The following MCF2L variants were observed in gnomAD, a reference collection of about 807,000 sequenced individuals.
The protein encoded by MCF2L is guanine nucleotide exchange factor DBS.
In MCF2L, 97 loss-of-function variants were observed where a neutral mutation model predicts 153.4. The ratio of observed to expected loss-of-function variants is 0.63; its 90% CI spans 0.54 to 0.75. The LOEUF (loss-of-function observed/expected upper bound fraction) is 0.75, where lower values mean the gene tolerates loss of function less well. MCF2L is among the 30% of genes least tolerant of loss of function. The pLI is 0.00. For synonymous variants in MCF2L, 659 were observed against 632.2 expected, an observed-to-expected ratio of 1.04 and a Z score of -0.64; for missense variants, 1,347 against 1,495.2, an observed-to-expected ratio of 0.90 and a Z score of 1.64.
intron 2 of MCF2L, among the ~76,000 whole-genome samples, chr13:112,953,935 G>T (rs1433607466): frequency 6.6e-6 from 1 of 152,232 alleles, no homozygotes; most frequent in African/African-American, 2.4e-5. Context: ...GGTCGCATAT[G>T]AGTGTCTAGG....
intron 1 of MCF2L, chr13:112,979,792 A>G: frequency 6.3e-7 from 1 of 1,588,580 alleles, no homozygotes; most frequent in Non-Finnish European, 8.6e-7. Flanking sequence ...GCATGGGGGC[A>G]GGTGCTGTGT....
chr13:113,003,856 C>A (rs1432248926), intron 1 of MCF2L, among the ~76,000 whole-genome samples: 1 of 152,188 alleles, frequency 6.6e-6, no homozygotes, highest in African/African-American at 2.4e-5. Context: ...GGTGACCTTT[C>A]TCAGAAGGTA....
intron 4 of MCF2L, among the ~76,000 whole-genome samples, chr13:113,058,670 G>A (rs2030748134): frequency 6.7e-6 from 1 of 150,240 alleles, no homozygotes; most frequent in African/African-American, 2.5e-5. Flanking sequence ...AGTGGGCGCT[G>A]TGTGTTTGGG....
At position 112,941,658 on chromosome 13, in the gene MCF2L, C is replaced by T. The variant is rs1307657800; in HGVS notation, c.169+39287C>T. Among the ~76,000 whole-genome samples the T allele has an allele frequency of 6.6e-6, 1 of 151,718 alleles. No homozygotes were observed. Among genetic ancestry groups the T allele is most frequent in the Non-Finnish European group, 1.5e-5 (1 of 67,988 alleles). On this transcript the variant is annotated intron_variant, in intron 2 of 29. Transcript: ENST00000375608. The surrounding 1 kb of genome is among the most constrained non-coding windows in gnomAD (Gnocchi z 4.9). The stretch of plus-strand genomic sequence containing the variant: ...TGTGGGCGGCAAGCCACCCAGGTGC[C>T]GAGGCAAGAGACCAAGGGCACGAGC...
chr13:112,981,475 T>C (rs1455031120), intron 1 of MCF2L, among the ~76,000 whole-genome samples: 1 of 152,186 alleles, frequency 6.6e-6, no homozygotes, highest in Non-Finnish European at 1.5e-5. Flanking sequence ...GTCCTGCCCT[T>C]GGCTGGAATG....
At chr13:112,978,190 T>G (rs2082278361) in intron 1 of MCF2L, among the ~76,000 whole-genome samples, 1 of 152,242 alleles carries the variant, frequency 6.6e-6, no homozygotes, top group Admixed American at 6.5e-5. Context: ...GTCCTGGGCT[T>G]GCACACAAGC....
intron 1 of MCF2L, among the ~76,000 whole-genome samples, chr13:112,900,392 C>T (rs1594294405): frequency 6.6e-6 from 1 of 152,344 alleles, no homozygotes; most frequent in African/African-American, 2.4e-5. Flanking sequence ...CGCAGGCAGC[C>T]TCGTGGCAGG....
intron 1 of MCF2L, among the ~76,000 whole-genome samples, chr13:112,981,273 C>T (rs2082415334): frequency 6.6e-6 from 1 of 152,198 alleles, no homozygotes; most frequent in Non-Finnish European, 1.5e-5. Context: ...CATGGGGTAC[C>T]ACCCTGTTCC....
intron 2 of MCF2L, among the ~76,000 whole-genome samples, chr13:112,964,108 CGGGGG>C: frequency 5.7e-4 from 1 of 1,764 alleles, no homozygotes; most frequent in Non-Finnish European, 2.3e-3. Context: ...TTGCAGGGGG[CGGGGG>C]GGCGGGGGGG....
Position 113,096,947 on chromosome 13 carries a change from C to A in MCF2L, c.*88C>A. 1.0e-6 allele frequency: 1 copy of A among 958,772 alleles called. No homozygotes were observed. The highest frequency in any genetic ancestry group is 1.4e-6 in the Non-Finnish European group (1 of 719,562). The allele number at this position is 958,772 out of a possible 1,614,324, so 59.4% of individuals were successfully genotyped here. On this transcript the variant is annotated 3_prime_UTR_variant, in exon 30 of 30. Coordinates refer to ENST00000535094, the MANE Select transcript of MCF2L (RefSeq NM_001112732.3). ...GCCCCCGGACGCCCCGAGGAAGGGG[C>A]ACCTCACCGCCCCCACCCAGAGCGC... is the stretch of plus-strand genomic sequence containing the variant.
chr13:112,917,150 C>T lies in MCF2L; in HGVS notation c.169+14779C>T, dbSNP rs137998923. Reference sequence around the variant, plus strand: ...TCTCAGTCCCCTGGCTTGTGACCCACCTGAGTGTGATGATTCCTAGTCCAC... The same window carrying T: ...TCTCAGTCCCCTGGCTTGTGACCCATCTGAGTGTGATGATTCCTAGTCCAC... On this transcript the variant is annotated intron_variant, in intron 2 of 29. Coordinates refer to the MCF2L transcript ENST00000375608. The T allele has an allele frequency of 5.6e-4, 264 of 471,296 alleles. 1 individual carries two copies. In the East Asian group the frequency reaches 0.013, roughly 23 times the overall value. The allele number at this position is 471,296 out of a possible 1,614,324, so 29.2% of individuals were successfully genotyped here.
chr13:113,065,162 G>A (rs1335668143), intron 7 of MCF2L, 77 bp downstream of exon 7: 1 of 1,556,956 alleles, frequency 6.4e-7, no homozygotes, highest in Non-Finnish European at 8.8e-7. Flanking sequence ...CCGGTCGGAA[G>A]CTGCGGGGGG....
rs939437277 is a variant in MCF2L, at chr13:113,072,740, T to G, written c.997-1704T>G. Reference sequence around the variant, plus strand: ...TTGTAATTTGCATCTTTTCCTTTTTTCTTTGTCAATCTAGATTGAGATGTA... The same window carrying G: ...TTGTAATTTGCATCTTTTCCTTTTTGCTTTGTCAATCTAGATTGAGATGTA... On this transcript the variant is annotated intron_variant, in intron 9 of 29. Transcript: ENST00000535094. 2.6e-5 allele frequency among the ~76,000 whole-genome samples: 4 copies of G among 152,322 alleles called. No individual in the cohort carries two copies. In the South Asian group the frequency reaches 8.3e-4, roughly 32 times the overall value.
chr13:112,943,467 G>A lies in MCF2L; in HGVS notation c.169+41096G>A, dbSNP rs1311962844. On this transcript the variant is annotated intron_variant, in intron 2 of 29. Transcript: ENST00000375608. This position sits in a 1 kb window ranked among gnomAD's most constrained non-coding sequence, Gnocchi z 4.2. Reference sequence around the variant, plus strand: ...GAGAGGCGCCGCCTTGGTTGCAGGGGCCGGGGCGCGGCGGCCCGGGCTTTG... The same window carrying A: ...GAGAGGCGCCGCCTTGGTTGCAGGGACCGGGGCGCGGCGGCCCGGGCTTTG... 1.3e-5 allele frequency among the ~76,000 whole-genome samples: 2 copies of A among 151,980 alleles called. No individual in the cohort carries two copies. Among genetic ancestry groups the A allele is most frequent in the African/African-American group, 4.8e-5 (2 of 41,432 alleles).
chr13:113,025,242 T>G (rs112037924), intron 3 of MCF2L, among the ~76,000 whole-genome samples: 1 of 108,826 alleles, frequency 9.2e-6, no homozygotes, highest in Admixed American at 9.2e-5. Flanking sequence ...AGAGTCCCTG[T>G]GAGATTTCCC....
chr13:112,969,204 TCCC>T, upstream of MCF2L: 1 of 1,060,062 alleles, frequency 9.4e-7, no homozygotes, highest in Non-Finnish European at 1.2e-6. This position sits in a 1 kb window ranked among gnomAD's most constrained non-coding sequence, Gnocchi z 4.8. Flanking sequence ...CGCGCCCCCC[TCCC>T]GGTGGCGCGG....
chr13:113,064,975 C>G lies in MCF2L; in HGVS notation c.646C>G (p.Gln216Glu). ...CGCCCTCATGGTGAAGCAGACGGCT[C>G]AGATGCTGCAGTCCTTCGGGACCGA... ...SFALMVKQTA[Q>E]MLQSFGTELA... Residue 216 changes from glutamine (Q) to glutamate (E), a missense_variant, in exon 7 of 30, where the codon CAG becomes GAG. This residue lies in a region of MCF2L where 820 missense variants were observed against 921.2 expected (regional missense o/e 0.89). Transcript: ENST00000535094. The surrounding 1 kb of genome is among the most constrained non-coding windows in gnomAD (Gnocchi z 6.0). 1 of 1,613,136 alleles carries G rather than the reference C, an allele frequency of 6.2e-7. No homozygotes were observed.
intron 1 of MCF2L, among the ~76,000 whole-genome samples, chr13:112,985,694 T>C (rs747239367): frequency 7.2e-5 from 11 of 152,198 alleles, no homozygotes; most frequent in African/African-American, 2.4e-4. Flanking sequence ...TCCTAATTTA[T>C]GTCACAGTTA....
rs1032628398 is a variant in MCF2L, at chr13:112,983,599, G to A, written c.79+14141G>A. Among the ~76,000 whole-genome samples the A allele has an allele frequency of 3.2e-4, 48 of 152,346 alleles. No individual in the cohort carries two copies. Among genetic ancestry groups the A allele is most frequent in the African/African-American group, 1.0e-3 (43 of 41,594 alleles). On this transcript the variant is annotated intron_variant, in intron 1 of 29. Transcript: ENST00000535094. The surrounding 1 kb of genome is among the most constrained non-coding windows in gnomAD (Gnocchi z 4.0). Reference sequence around the variant, plus strand: ...GCGGAGACAGGGAGCCGGGAGGAGCGTCAGATGCCTGTGGCCTCTTTACAG... The same window carrying A: ...GCGGAGACAGGGAGCCGGGAGGAGCATCAGATGCCTGTGGCCTCTTTACAG...
Sources: allele counts gnomAD v4.1 joint callset (sites outside exome capture counted in the v4.1 genomes callset), GRCh38; gene constraint gnomAD v4.1.1; regional missense constraint gnomAD v4.1.1; non-coding constraint Gnocchi (gnomAD v3.1); transcripts MANE v1.5; gene names NCBI Gene and HGNC (gene_info 2026-07-23, HGNC 2026-07-21).